HOMER2: variants seen among roughly 807,000 people sequenced by gnomAD.
HOMER2 encodes the protein homer protein homolog 2.
A neutral mutation model predicts 47.0 loss-of-function variants in HOMER2; 27 were observed. The ratio of observed to expected loss-of-function variants is 0.57; its 90% CI spans 0.42 to 0.79. HOMER2 has a LOEUF of 0.79. HOMER2 is among the 30% of genes least tolerant of loss of function. The probability of loss-of-function intolerance (pLI) is 0.00; values close to 1 mark genes in which losing one functional copy is unlikely to be tolerated. For missense variants in HOMER2, 443 were observed against 435.0 expected, an observed-to-expected ratio of 1.02 and a Z score of -0.16; for synonymous variants, 161 against 163.8, an observed-to-expected ratio of 0.98 and a Z score of 0.13.
chr15:82,839,676 T>A (rs2051157051), exon 2 of HOMER2: 1 of 152,170 alleles, frequency 6.6e-6, no homozygotes, highest in Non-Finnish European at 1.5e-5. Flanking sequence ...CAAAAACTGT[T>A]AGAAACAAAA....
chr15:82,928,116 C>A (rs981046831), intron 1 of HOMER2, among the ~76,000 whole-genome samples: 6 of 152,088 alleles, frequency 3.9e-5, no homozygotes, highest in African/African-American at 7.2e-5. Flanking sequence ...GGTTTCTCTG[C>A]TAGAAATGCA....
intron 1 of HOMER2, among the ~76,000 whole-genome samples, chr15:82,925,141 T>C (rs2053823783): frequency 6.6e-6 from 1 of 152,184 alleles, no homozygotes; most frequent in Non-Finnish European, 1.5e-5. Context: ...CTCTCATCAA[T>C]AGGATCTCCA....
At chr15:82,930,177 A>G (rs543318897) in intron 1 of HOMER2, among the ~76,000 whole-genome samples, 1 of 152,362 alleles carries the variant, frequency 6.6e-6, no homozygotes, top group African/African-American at 2.4e-5. Flanking sequence ...GACCACACAC[A>G]TAACCACCAA....
At chr15:82,939,230 C>T (rs1371336222) in intron 1 of HOMER2, among the ~76,000 whole-genome samples, 1 of 152,212 alleles carries the variant, frequency 6.6e-6, no homozygotes, top group Non-Finnish European at 1.5e-5. Flanking sequence ...GTCAACATCA[C>T]CACTATCAGC....
At chr15:82,957,779 C>G (rs1308116569), downstream of HOMER2, among the ~76,000 whole-genome samples, 1 of 152,172 alleles carries the variant, frequency 6.6e-6, no homozygotes, top group Admixed American at 6.6e-5. Context: ...CCATCCAGGG[C>G]TCTCCTAAGT....
chr15:82,878,431 T>C (rs2052420627), intron 2 of HOMER2, among the ~76,000 whole-genome samples: 1 of 152,236 alleles, frequency 6.6e-6, no homozygotes, highest in African/African-American at 2.4e-5. Context: ...AAGAATATAA[T>C]GTATGTCTTA....
chr15:82,915,360 G>A (rs1034802011), intron 1 of HOMER2, among the ~76,000 whole-genome samples: 1 of 152,108 alleles, frequency 6.6e-6, no homozygotes, highest in South Asian at 2.1e-4. Flanking sequence ...CACCACTGTT[G>A]GAGTACTATA....
chr15:82,896,542 T>C (rs1242343714), intron 1 of HOMER2, among the ~76,000 whole-genome samples: 1 of 152,196 alleles, frequency 6.6e-6, no homozygotes, highest in East Asian at 1.9e-4. Flanking sequence ...TTGGTCAACA[T>C]GGTCAGGCCC....
At position 82,852,303 on chromosome 15, in the gene HOMER2, A is replaced by T. The variant is rs374369929; in HGVS notation, c.652-51T>A. 168 of 1,254,268 alleles carry T rather than the reference A, an allele frequency of 1.3e-4. No individual in the cohort carries two copies. In the African/African-American group the frequency reaches 2.0e-3, roughly 15 times the overall value. The allele number at this position is 1,254,268 out of a possible 1,614,324, so 77.7% of individuals were successfully genotyped here. On this transcript the variant is annotated intron_variant, in intron 6 of 8. Transcript: ENST00000450735. ...CAGGGACGCCAGCTTAACATTAGTC[A>T]TTAAGCAAGAGATCACCACAGCTAT...
At chr15:82,949,065 TG>T (rs1281881381) in intron 1 of HOMER2, among the ~76,000 whole-genome samples, 3 of 150,654 alleles carry the variant, frequency 2.0e-5, no homozygotes, top group Non-Finnish European at 4.4e-5. Context: ...TGTGAGAGGT[TG>T]GGAAGAGGAC....
Position 82,849,860 on chromosome 15 carries a change from G to C in HOMER2, c.887C>G (p.Ser296Cys). 6.2e-7 allele frequency: 1 copy of C among 1,613,928 alleles called. No homozygotes were observed. Reference sequence around the variant, plus strand: ...GCTCTCCTCAATGTCTGTCTTTAAGGAACGCACTTTGTCTTCCAGGTTTTG... The same window carrying C: ...GCTCTCCTCAATGTCTGTCTTTAAGCAACGCACTTTGTCTTCCAGGTTTTG... ...DNQNLEDKVR[S>C]LKTDIEESKY... Residue 296 changes from serine (S) to cysteine (C), a missense_variant, in exon 9 of 9, where the codon TCC becomes TGC. Physicochemically the swap from Ser to Cys is moderately radical, Grantham distance 112. Coordinates refer to ENST00000450735, the MANE Select transcript of HOMER2 (RefSeq NM_004839.4).
chr15:82,931,102 CAA>C (rs959127209), intron 1 of HOMER2, among the ~76,000 whole-genome samples: 42 of 127,380 alleles, frequency 3.3e-4, no homozygotes, highest in Admixed American at 2.5e-4. Context: ...GACACTGTAT[CAA>C]AAAAAAAAAA....
At chr15:82,874,551 AC>A (rs2151068570) in intron 3 of HOMER2, among the ~76,000 whole-genome samples, 1 of 152,072 alleles carries the variant, frequency 6.6e-6, no homozygotes, top group Non-Finnish European at 1.5e-5. Flanking sequence ...GCTCCTCAAC[AC>A]CTTTCTAACC....
At chr15:82,914,515 A>G (rs1052604252) in intron 1 of HOMER2, among the ~76,000 whole-genome samples, 3 of 152,180 alleles carry the variant, frequency 2.0e-5, no homozygotes, top group Non-Finnish European at 4.4e-5. Context: ...TGTCAAATTC[A>G]TAGAGACAGA....
intron 1 of HOMER2, among the ~76,000 whole-genome samples, chr15:82,947,834 C>T (rs768250620): frequency 6.6e-6 from 1 of 152,180 alleles, no homozygotes; most frequent in Non-Finnish European, 1.5e-5. Context: ...TGGTGCCAGG[C>T]ACTGTGCTAG....
intron 1 of HOMER2, among the ~76,000 whole-genome samples, chr15:82,943,845 C>T (rs1379628985): frequency 6.6e-6 from 1 of 152,184 alleles, no homozygotes; most frequent in Non-Finnish European, 1.5e-5. Flanking sequence ...AGCTGGGACC[C>T]GCCCTCACTT....
At chr15:82,838,937 T>A (rs549931631) in exon 2 of HOMER2, 1 of 152,388 alleles carries the variant, frequency 6.6e-6, no homozygotes, top group Admixed American at 6.5e-5. Flanking sequence ...GCCATGTGAA[T>A]AGCCTGTTCC....
At chr15:82,882,837 G>A (rs59707754) in intron 2 of HOMER2, among the ~76,000 whole-genome samples, 223 of 108,476 alleles carry the variant, frequency 2.1e-3, no homozygotes, top group African/African-American at 9.2e-3. Flanking sequence ...ATCTGATGTG[G>A]CGTTTGCTCA....
At chr15:82,961,825 G>A (rs908741267) in intron 1 of HOMER2, among the ~76,000 whole-genome samples, 4 of 152,068 alleles carry the variant, frequency 2.6e-5, no homozygotes, top group Admixed American at 6.5e-5. Context: ...GTGCAGAGGC[G>A]TGATCTTGGC....
Sources: gnomAD v4.1 joint callset for allele counts (sites outside exome capture counted in the v4.1 genomes callset) on GRCh38, gnomAD v4.1.1 for gene constraint, MANE v1.5 for transcripts, NCBI Gene and HGNC (gene_info 2026-07-23, HGNC 2026-07-21) for gene names.